Variants in RORB observed in about 807,000 individuals in gnomAD.
RORB encodes the protein RAR related orphan receptor B.
A neutral mutation model predicts 59.1 loss-of-function variants in RORB; 6 were observed. That is an observed-to-expected ratio of 0.10 (90% confidence interval 0.06 to 0.20). RORB has a LOEUF of 0.20. Ranked by LOEUF, RORB falls within the 10% of genes least tolerant of loss-of-function variation. The pLI is 1.00. For synonymous variants in RORB, 215 were observed against 204.5 expected (o/e 1.05, Z -0.44); for missense variants, 320 against 560.5 (o/e 0.57, Z 4.33).
chr9:74,636,913 G>A (rs1315427511), intron 3 of RORB, among the ~76,000 whole-genome samples: 1 of 152,152 alleles, frequency 6.6e-6, no homozygotes, highest in African/African-American at 2.4e-5. Flanking sequence ...CTTATGCCAA[G>A]TAAATTATGC....
intron 1 of RORB, among the ~76,000 whole-genome samples, chr9:74,513,731 A>G (rs998920093): frequency 1.3e-5 from 2 of 152,118 alleles, no homozygotes; most frequent in African/African-American, 4.8e-5. Context: ...TCTGTAAAAG[A>G]GTTTATACAT....
Position 74,497,917 on chromosome 9 carries a change from C to A in RORB, c.-60C>A. ...TCGTGCTGAGCGGGATTTTTGGGCTCTCCGGGGTTCGGGCTGGGAGCAGCT... is the reference window on the plus strand; with the variant it reads ...TCGTGCTGAGCGGGATTTTTGGGCTATCCGGGGTTCGGGCTGGGAGCAGCT... On this transcript the variant is annotated 5_prime_UTR_variant, in exon 1 of 10. Coordinates refer to ENST00000376896, the MANE Select transcript of RORB (RefSeq NM_006914.4). 1.9e-6 allele frequency: 3 copies of A among 1,600,432 alleles called. No individual in the cohort carries two copies. Among genetic ancestry groups the A allele is most frequent in the Non-Finnish European group, 2.6e-6 (3 of 1,173,158 alleles).
chr9:74,676,028 A>G (rs1213251839), intron 9 of RORB, among the ~76,000 whole-genome samples: 2 of 152,226 alleles, frequency 1.3e-5, no homozygotes, highest in African/African-American at 4.8e-5. Flanking sequence ...AGGGTAGAGG[A>G]TAAGGAAGGC....
chr9:74,636,761 G>T (rs1823710841), intron 3 of RORB, among the ~76,000 whole-genome samples: 1 of 152,106 alleles, frequency 6.6e-6, no homozygotes, highest in Admixed American at 6.6e-5. Context: ...AATGGTCACG[G>T]GGGTGTGGGT....
Position 74,579,595 on chromosome 9 carries a change from G to A in RORB, c.8-50687G>A, listed in dbSNP as rs1418120080. Among the ~76,000 whole-genome samples, 9 of 152,180 alleles carry A rather than the reference G, an allele frequency of 5.9e-5. No homozygotes were observed. In the South Asian group the frequency reaches 1.5e-3, roughly 25 times the overall value. On this transcript the variant is annotated intron_variant, in intron 1 of 9. Transcript: ENST00000376896. ...ATGGTTAACAAAGCTTCTGGATAAC[G>A]AGCTTATTTGCCTAAGAATGTAAAT...
intron 1 of RORB, among the ~76,000 whole-genome samples, chr9:74,618,410 C>T (rs973415616): frequency 1.3e-5 from 2 of 152,150 alleles, no homozygotes; most frequent in African/African-American, 4.8e-5. Context: ...AGTCCACTCA[C>T]ATACCTCATG....
chr9:74,583,010 C>A (rs1051125856), intron 1 of RORB, among the ~76,000 whole-genome samples: 3 of 152,122 alleles, frequency 2.0e-5, no homozygotes, highest in Admixed American at 6.5e-5. Flanking sequence ...ATATGTCCTA[C>A]AGGCCCTACT....
intron 1 of RORB, among the ~76,000 whole-genome samples, chr9:74,629,690 C>T (rs927999416): frequency 3.3e-5 from 5 of 152,088 alleles, no homozygotes; most frequent in African/African-American, 1.2e-4. Context: ...TTATTAGCAT[C>T]ATTAGCATAT....
chr9:74,681,290 A>G (rs577014769), intron 9 of RORB, among the ~76,000 whole-genome samples: 1 of 152,352 alleles, frequency 6.6e-6, no homozygotes, highest in East Asian at 1.9e-4. Context: ...ATTAATGAGC[A>G]ATAAGTGATT....
chr9:74,642,305 T>A, intron 3 of RORB, 109 bp from the exon 4 acceptor site: 1 of 1,069,614 alleles, frequency 9.3e-7, no homozygotes, highest in East Asian at 2.4e-5. Flanking sequence ...TGCTAGACAT[T>A]TGTGCATTTG....
intron 1 of RORB, among the ~76,000 whole-genome samples, chr9:74,591,906 G>A (rs962155768): frequency 1.3e-5 from 2 of 152,150 alleles, no homozygotes; most frequent in Non-Finnish European, 2.9e-5. Context: ...GTGTGTGCGT[G>A]TGCATGTGCC....
intron 1 of RORB, among the ~76,000 whole-genome samples, chr9:74,535,222 A>G (rs1297104091): frequency 1.3e-5 from 2 of 152,028 alleles, no homozygotes; most frequent in South Asian, 2.1e-4. Context: ...AGATTGTTCT[A>G]TTCACTATAT....
chr9:74,670,628 A>G lies in RORB; in HGVS notation c.1112-1161A>G, dbSNP rs188153893. Among the ~76,000 whole-genome samples the G allele has an allele frequency of 7.2e-4, 109 of 152,348 alleles. 2 individuals carry two copies. In the South Asian group the frequency reaches 9.7e-3, roughly 14 times the overall value. The stretch of plus-strand genomic sequence containing the variant: ...ACACTGACAGGCTTCACAAACTCCA[A>G]ATACCTCATTTGCCACCCTGGCTTA... On this transcript the variant is annotated intron_variant, in intron 8 of 9. Coordinates refer to ENST00000376896, the MANE Select transcript of RORB (RefSeq NM_006914.4).
intron 6 of RORB, among the ~76,000 whole-genome samples, chr9:74,664,139 A>T (rs749070168): frequency 5.3e-5 from 8 of 152,206 alleles, no homozygotes; most frequent in Non-Finnish European, 8.8e-5. Context: ...AACTCTCTAG[A>T]TAGCAGTTTC....
intron 9 of RORB, among the ~76,000 whole-genome samples, chr9:74,684,017 T>G (rs1238611517): frequency 6.6e-6 from 1 of 152,220 alleles, no homozygotes; most frequent in Non-Finnish European, 1.5e-5. Flanking sequence ...CGACAAAGAT[T>G]CCGCATTTTT....
intron 2 of RORB, among the ~76,000 whole-genome samples, chr9:74,632,765 G>A (rs1823640301): frequency 6.6e-6 from 1 of 152,240 alleles, no homozygotes; most frequent in Non-Finnish European, 1.5e-5. Flanking sequence ...GTCTTAAAAT[G>A]TAAATTTCAA....
intron 6 of RORB, among the ~76,000 whole-genome samples, chr9:74,664,274 A>C (rs1451423043): frequency 6.6e-6 from 1 of 152,186 alleles, no homozygotes; most frequent in Non-Finnish European, 1.5e-5. Context: ...ATGGAATCCA[A>C]ATCTCCTGGA....
chr9:74,528,843 A>T (rs916566547), intron 1 of RORB, among the ~76,000 whole-genome samples: 1 of 151,980 alleles, frequency 6.6e-6, no homozygotes, highest in African/African-American at 2.4e-5. Flanking sequence ...AATCCCGTGA[A>T]GTGGATATTG....
intron 1 of RORB, among the ~76,000 whole-genome samples, chr9:74,606,052 G>A (rs913817510): frequency 6.6e-6 from 1 of 152,170 alleles, no homozygotes; most frequent in African/African-American, 2.4e-5. Flanking sequence ...TAGCCCTGCT[G>A]TGCCTCAGTT....
Sources: gnomAD v4.1 joint callset for allele counts (sites outside exome capture counted in the v4.1 genomes callset) on GRCh38, gnomAD v4.1.1 for gene constraint, MANE v1.5 for transcripts, NCBI Gene and HGNC (gene_info 2026-07-23, HGNC 2026-07-21) for gene names.